ATP2C1: variants seen among roughly 807,000 people sequenced by gnomAD.
The protein encoded by ATP2C1 is ATPase secretory pathway Ca2+ transporting 1, also known as calcium-transporting ATPase type 2C member 1.
In ATP2C1, 31 loss-of-function variants were observed where a neutral mutation model predicts 120.5. The ratio of observed to expected loss-of-function variants is 0.26; its 90% confidence interval spans 0.19 to 0.35. The LOEUF is 0.35. ATP2C1 is among the 10% of genes least tolerant of loss of function. ATP2C1 has a pLI of 1.00. For missense variants in ATP2C1, 731 were observed against 1,107.5 expected, an observed-to-expected ratio of 0.66 and a Z score of 4.83; for synonymous variants, 351 against 358.7, an observed-to-expected ratio of 0.98 and a Z score of 0.24.
chr3:130,974,127 G>A (rs1448204614), intron 17 of ATP2C1, among the ~76,000 whole-genome samples: 1 of 152,040 alleles, frequency 6.6e-6, no homozygotes, highest in East Asian at 1.9e-4. Flanking sequence ...ACCATGAGAA[G>A]GGTTTTATAT....
intron 16 of ATP2C1, 92 bp from the exon 17 acceptor site, chr3:130,969,200 C>T: frequency 3.6e-6 from 3 of 830,798 alleles, no homozygotes; most frequent in South Asian, 2.8e-5. Flanking sequence ...ATAATCCAGC[C>T]AACCTAGTTA....
intron 2 of ATP2C1, among the ~76,000 whole-genome samples, chr3:130,900,992 A>G (rs930795101): frequency 6.6e-5 from 10 of 152,098 alleles, no homozygotes; most frequent in Admixed American, 5.2e-4. Context: ...CTACATCATC[A>G]GGGGTGGAAA....
At chr3:130,997,543 G>A in intron 24 of ATP2C1, 63 bp from the exon 25 acceptor site, 1 of 1,495,492 alleles carries the variant, frequency 6.7e-7, no homozygotes, top group Non-Finnish European at 9.3e-7. Context: ...TAGTGAGGTT[G>A]TGAAAGTAAC....
intron 17 of ATP2C1, 142 bp downstream of exon 17, chr3:130,969,538 C>G: frequency 1.4e-6 from 1 of 691,636 alleles, no homozygotes; most frequent in Admixed American, 2.1e-5. Context: ...GTACACTCAT[C>G]TCTTAATTGT....
intron 17 of ATP2C1, among the ~76,000 whole-genome samples, chr3:130,974,661 G>A (rs1220333655): frequency 1.3e-5 from 2 of 152,002 alleles, no homozygotes; most frequent in East Asian, 3.9e-4. Flanking sequence ...GATGGGGAGG[G>A]GGGGAATAGA....
At chr3:131,013,401 G>T (rs1240755544) in intron 26 of ATP2C1, among the ~76,000 whole-genome samples, 1 of 152,112 alleles carries the variant, frequency 6.6e-6, no homozygotes, top group Non-Finnish European at 1.5e-5. Flanking sequence ...GTATAAAGAG[G>T]GCATAGGGTC....
chr3:130,950,708 A>G (rs1193481216), intron 8 of ATP2C1, among the ~76,000 whole-genome samples: 3 of 152,102 alleles, frequency 2.0e-5, no homozygotes, highest in Non-Finnish European at 2.9e-5. Flanking sequence ...ATTTATAATG[A>G]TATAGGAAAA....
In ATP2C1 at chr3:130,997,737, T is replaced by C. The variant is rs754725037; in HGVS notation, c.2375T>C (p.Phe792Ser). ...ATAATCATTGTTTGTGGGACTTTGTTTGTCTTCTGGCGTGAGGTATATTCA... is the reference window on the plus strand; with the variant it reads ...ATAATCATTGTTTGTGGGACTTTGTCTGTCTTCTGGCGTGAGGTATATTCA... ...SSIIIVCGTLFVFWRELRDNV... is the reference protein window; with the variant it reads ...SSIIIVCGTLSVFWRELRDNV... Residue 792 changes from phenylalanine to serine, a missense_variant, in exon 25 of 28, where the codon TTT becomes TCT. By Grantham distance (155) the Phe-to-Ser change is radical (BLOSUM62 -2). Around this residue, in one of 3 missense-constraint regions of ATP2C1, gnomAD observed 141 missense variants for 201.6 expected, o/e 0.70. Coordinates refer to ENST00000510168, the MANE Select transcript of ATP2C1 (RefSeq NM_001378687.1). 4 of 1,613,652 alleles carry C rather than the reference T, an allele frequency of 2.5e-6. No homozygotes were observed. Among genetic ancestry groups the C allele is most frequent in the African/African-American group, 2.7e-5 (2 of 75,036 alleles).
At chr3:130,951,136 A>T (rs1025578396) in intron 8 of ATP2C1, among the ~76,000 whole-genome samples, 5 of 152,126 alleles carry the variant, frequency 3.3e-5, no homozygotes, top group East Asian at 3.8e-4. Context: ...CCTTATATAA[A>T]TTTACTTGTA....
Position 131,001,885 on chromosome 3 carries a change from A to C in ATP2C1, c.*535A>C. The C allele has an allele frequency of 1.0e-6, 1 of 985,744 alleles. No homozygotes were observed. Among genetic ancestry groups the C allele is most frequent in the Non-Finnish European group, 1.2e-6 (1 of 829,890 alleles). The allele number at this position is 985,744 out of a possible 1,614,324, so 61.1% of individuals were successfully genotyped here. ...AGATACCATGTGCTATCATTTTTGT[A>C]TCAAGTTTTTTGCACAGGATGTGAC... On this transcript the variant is annotated 3_prime_UTR_variant, in exon 28 of 28. Coordinates refer to ENST00000510168, the MANE Select transcript of ATP2C1 (RefSeq NM_001378687.1).
At chr3:130,854,572 G>A (rs939655318) in intron 1 of ATP2C1, among the ~76,000 whole-genome samples, 37 of 152,300 alleles carry the variant, frequency 2.4e-4, no homozygotes, top group African/African-American at 8.9e-4. Flanking sequence ...GATCAAGCGG[G>A]ACACTGAGTG....
At chr3:130,861,133 G>A (rs1253200138) in intron 1 of ATP2C1, among the ~76,000 whole-genome samples, 1 of 152,104 alleles carries the variant, frequency 6.6e-6, no homozygotes, top group Non-Finnish European at 1.5e-5. Flanking sequence ...GCCAGGCTTG[G>A]TGGCATGCAC....
At chr3:130,893,703 C>T (rs995394893), upstream of ATP2C1, among the ~76,000 whole-genome samples, 1 of 152,224 alleles carries the variant, frequency 6.6e-6, no homozygotes, top group Non-Finnish European at 1.5e-5. Context: ...CTTGGGCCGA[C>T]CCCGCGGCCG....
At chr3:130,935,038 G>T (rs2059607966) in intron 5 of ATP2C1, among the ~76,000 whole-genome samples, 1 of 151,890 alleles carries the variant, frequency 6.6e-6, no homozygotes, top group South Asian at 2.1e-4. Flanking sequence ...TTGTTATGTT[G>T]CCCAGGCTGG....
At chr3:131,004,694 T>C (rs1044214708), downstream of ATP2C1, among the ~76,000 whole-genome samples, 1 of 152,194 alleles carries the variant, frequency 6.6e-6, no homozygotes, top group African/African-American at 2.4e-5. Context: ...CTAGAACTAA[T>C]GACAGCTGAA....
chr3:130,949,964 CG>C (rs1285100366), intron 8 of ATP2C1, among the ~76,000 whole-genome samples: 1 of 152,088 alleles, frequency 6.6e-6, no homozygotes, highest in Non-Finnish European at 1.5e-5. Context: ...ATTCTAGACT[CG>C]AGAGGTGATT....
intron 17 of ATP2C1, among the ~76,000 whole-genome samples, chr3:130,975,127 T>C (rs769498558): frequency 1.3e-5 from 2 of 152,112 alleles, no homozygotes; most frequent in Admixed American, 1.3e-4. Flanking sequence ...ATGTGTGGGA[T>C]GGTGGGATAG....
intron 1 of ATP2C1, among the ~76,000 whole-genome samples, chr3:130,876,142 T>C (rs1251448760): frequency 3.3e-5 from 5 of 152,082 alleles, no homozygotes; most frequent in Non-Finnish European, 7.4e-5. Flanking sequence ...ATAGTACCAC[T>C]TGTCTATTTT....
chr3:130,865,945 A>G (rs1015569624), intron 1 of ATP2C1, among the ~76,000 whole-genome samples: 4 of 152,160 alleles, frequency 2.6e-5, no homozygotes, highest in Non-Finnish European at 4.4e-5. Flanking sequence ...CCCCATAATC[A>G]TATATTGACC....
Sources: allele counts gnomAD v4.1 joint callset (sites outside exome capture counted in the v4.1 genomes callset), GRCh38; gene constraint gnomAD v4.1.1; regional missense constraint gnomAD v4.1.1; transcripts MANE v1.5; gene names NCBI Gene and HGNC (gene_info 2026-07-23, HGNC 2026-07-21).